The following NFKBIA variants were observed in gnomAD, a reference collection of about 807,000 sequenced individuals.
The protein encoded by NFKBIA is NF-kappa-B inhibitor alpha.
Under a neutral mutation model 36.3 loss-of-function variants are expected in NFKBIA, and 10 were observed. The ratio of observed to expected loss-of-function variants is 0.28; its 90% CI spans 0.17 to 0.47. The LOEUF (loss-of-function observed/expected upper bound fraction) is 0.47, where lower values mean the gene tolerates loss of function less well. NFKBIA is among the 20% of genes least tolerant of loss of function. The pLI, the probability that NFKBIA is intolerant of heterozygous loss-of-function variation, is 0.99. For synonymous variants in NFKBIA, 205 were observed against 164.4 expected (o/e 1.25, Z -1.89); for missense variants, 355 against 399.3 (o/e 0.89, Z 0.94).
Position 35,403,302 on chromosome 14 carries a change from C to A in NFKBIA, c.395G>T (p.Gly132Val), listed in dbSNP as rs554698790. Reference protein sequence around the residue: ...NQPEIAEALLGAGCDPELRDF... With the variant: ...NQPEIAEALLVAGCDPELRDF... ...TCGGAGCTCAGGATCACAGCCAGCT[C>A]CCAGAAGTGCCTCAGCAATTTCTGG... Residue 132 changes from glycine to valine, a missense_variant, in exon 3 of 6, where the codon GGA becomes GTA. Coordinates refer to ENST00000216797, the MANE Select transcript of NFKBIA (RefSeq NM_020529.3). The A allele has an allele frequency of 6.2e-7, 1 of 1,614,036 alleles. No individual in the cohort carries two copies. Among genetic ancestry groups the A allele is most frequent in the South Asian group, 1.1e-5 (1 of 91,078 alleles).
intron 1 of NFKBIA, chr14:35,404,088 A>C (rs1186655725): frequency 4.6e-6 from 2 of 435,568 alleles, no homozygotes; most frequent in Non-Finnish European, 8.3e-6. Flanking sequence ...GCGGCCAGAA[A>C]CTCCCGCCCC....
In NFKBIA at chr14:35,403,364, C is replaced by G; in HGVS notation, c.337-4G>C. On this transcript the variant is annotated splice_polypyrimidine_tract_variant and splice_region_variant and intron_variant, in intron 2 of 5. Coordinates refer to ENST00000216797, the MANE Select transcript of NFKBIA (RefSeq NM_020529.3). Reference sequence around the variant, plus strand: ...TCACAGCCAAGTGGAGTGGAGTCTACGAATGCAAGAGAGACCAGAGAAAGT... The same window carrying G: ...TCACAGCCAAGTGGAGTGGAGTCTAGGAATGCAAGAGAGACCAGAGAAAGT... 6.2e-7 allele frequency: 1 copy of G among 1,613,832 alleles called. No homozygotes were observed. The highest frequency in any genetic ancestry group is 8.5e-7 in the Non-Finnish European group (1 of 1,179,950).
intron 1 of NFKBIA, 68 bp from the exon 2 acceptor site, chr14:35,403,866 G>A: frequency 1.7e-6 from 2 of 1,190,422 alleles, no homozygotes; most frequent in Non-Finnish European, 1.2e-6. Flanking sequence ...GGAGGCGCGG[G>A]CTGCGGGGGA....
intron 3 of NFKBIA, 135 bp from the exon 4 acceptor site, chr14:35,402,994 A>C: frequency 8.1e-7 from 1 of 1,232,068 alleles, no homozygotes; most frequent in African/African-American, 1.5e-5. Flanking sequence ...GAACTTTATA[A>C]AGGCATCCAA....
In NFKBIA at chr14:35,402,074, G is replaced by A. The variant is rs770969022; in HGVS notation, c.907-14C>T. The A allele has an allele frequency of 1.2e-6, 2 of 1,614,062 alleles. No homozygotes were observed. Among genetic ancestry groups the A allele is most frequent in the Middle Eastern group, 1.7e-4 (1 of 6,058 alleles). On this transcript the variant is annotated splice_polypyrimidine_tract_variant and intron_variant, in intron 5 of 5. Coordinates refer to ENST00000216797, the MANE Select transcript of NFKBIA (RefSeq NM_020529.3). Reference sequence around the variant, plus strand: ...ATCATAGGGCAGCTGAAAACAAGGGGAAAAAAGACACGTTAAGCTTCCGGA... The same window carrying A: ...ATCATAGGGCAGCTGAAAACAAGGGAAAAAAAGACACGTTAAGCTTCCGGA...
chr14:35,403,598 G>C (rs1317548003), intron 2 of NFKBIA, 92 bp downstream of exon 2: 3 of 937,830 alleles, frequency 3.2e-6, no homozygotes, highest in Non-Finnish European at 5.2e-6. Context: ...ATAGTGCTCA[G>C]TGGCCCTGAA....
chr14:35,402,753 G>T lies in NFKBIA; in HGVS notation c.636+18C>A. On this transcript the variant is annotated intron_variant, in intron 4 of 5. Transcript: ENST00000216797. ...ACGAGGAGCCTGACTCAGTGCGTCG[G>T]GGGCAGGAAGCACCAACCTGAGCAT... The T allele has an allele frequency of 1.2e-6, 2 of 1,613,976 alleles. No homozygotes were observed. The highest frequency in any genetic ancestry group is 1.7e-6 in the Non-Finnish European group (2 of 1,179,866).
At chr14:35,403,988 C>G in intron 1 of NFKBIA, 190 bp from the exon 2 acceptor site, 2 of 607,312 alleles carry the variant, frequency 3.3e-6, no homozygotes, top group South Asian at 3.6e-5. Flanking sequence ...CCTCCCCCCG[C>G]GGCCCCGGCG....
In NFKBIA at chr14:35,402,197, TGA is replaced by T. The variant is rs987886238; in HGVS notation, c.907-139_907-138del. 19 of 1,264,694 alleles carry T rather than the reference TGA, an allele frequency of 1.5e-5. No individual in the cohort carries two copies. In the African/African-American group the frequency reaches 1.8e-4, roughly 12 times the overall value. 78.3% of individuals were successfully genotyped at this position (1,264,694 alleles called of 1,614,324 possible). A position where few individuals can be genotyped will look rare whatever the true frequency, so the allele number is the denominator to read the frequency against. ...CCCAAATATAATGAACTTTACAGGC[TGA>T]GAGAGTTTGCCTTTAATGCTTCTCT... is the stretch of plus-strand genomic sequence containing the variant. On this transcript the variant is annotated intron_variant, in intron 5 of 5. Transcript: ENST00000216797.
Position 35,403,674 on chromosome 14 carries a change from C to G in NFKBIA, c.336+16G>C, listed in dbSNP as rs2233414. The G allele has an allele frequency of 4.1e-5, 66 of 1,592,560 alleles. No homozygotes were observed. In the African/African-American group the frequency reaches 8.7e-4, roughly 21 times the overall value. ...TCCCAGGGTCAGAGAGAACCCGGGC[C>G]AGGCAAGCGGCGCACCTGCTGCAGG... On this transcript the variant is annotated intron_variant, in intron 2 of 5. Coordinates refer to ENST00000216797, the MANE Select transcript of NFKBIA (RefSeq NM_020529.3).
rs191372109 is a variant in NFKBIA at position 35,401,959 on chromosome 14, A to G, written c.*54T>C. Reference sequence around the variant, plus strand: ...TCTTTTTTCTTTTTTTAGAAAAATAAAACTTTTTTTTTGTACAAATATACA... The same window carrying G: ...TCTTTTTTCTTTTTTTAGAAAAATAGAACTTTTTTTTTGTACAAATATACA... On this transcript the variant is annotated 3_prime_UTR_variant, in exon 6 of 6. Coordinates refer to ENST00000216797, the MANE Select transcript of NFKBIA (RefSeq NM_020529.3). 6.2e-7 allele frequency: 1 copy of G among 1,600,212 alleles called. No homozygotes were observed. The highest frequency in any genetic ancestry group is 2.2e-5 in the East Asian group (1 of 44,818).
In NFKBIA at chr14:35,404,741, G is replaced by GCGGC; in HGVS notation, c.-98_-97insGCCG. The stretch of plus-strand genomic sequence containing the variant: ...CGCTGGCGGGCGGGACGGCGGCACG[G>GCGGC]ACTGCTGTGGGCTCTGCAGCGCCGC... On this transcript the variant is annotated 5_prime_UTR_variant, in exon 1 of 6. Coordinates refer to ENST00000216797, the MANE Select transcript of NFKBIA (RefSeq NM_020529.3). 1.2e-6 allele frequency: 1 copy of GCGGC among 833,428 alleles called. No individual in the cohort carries two copies. Among genetic ancestry groups the GCGGC allele is most frequent in the Non-Finnish European group, 1.7e-6 (1 of 604,856 alleles). The allele number at this position is 833,428 out of a possible 1,614,324, so 51.6% of individuals were successfully genotyped here. A position where few individuals can be genotyped will look rare whatever the true frequency, so the allele number is the denominator to read the frequency against.
chr14:35,403,399 A>C (rs774865414), intron 2 of NFKBIA, 39 bp from the exon 3 acceptor site: 4 of 1,604,850 alleles, frequency 2.5e-6, no homozygotes, highest in Non-Finnish European at 3.4e-6. Flanking sequence ...TAAGCCATGG[A>C]CCAAACCCAC....
chr14:35,404,313 A>G, intron 1 of NFKBIA, 105 bp downstream of exon 1: 1 of 804,488 alleles, frequency 1.2e-6, no homozygotes, highest in Non-Finnish European at 1.7e-6. Context: ...GCCCGGCTGC[A>G]TCGCTGGTCC....
At chr14:35,403,644 C>G in intron 2 of NFKBIA, 46 bp downstream of exon 2, 1 of 1,389,342 alleles carries the variant, frequency 7.2e-7, no homozygotes, top group East Asian at 2.3e-5. Context: ...GCTACATCAG[C>G]TACGTCCCAG....
chr14:35,402,001 G>A lies in NFKBIA; in HGVS notation c.*12C>T. 9 of 1,613,224 alleles carry A rather than the reference G, an allele frequency of 5.6e-6. No individual in the cohort carries two copies. The highest frequency in any genetic ancestry group is 7.6e-6 in the Non-Finnish European group (9 of 1,179,490). On this transcript the variant is annotated 3_prime_UTR_variant, in exon 6 of 6. Coordinates refer to ENST00000216797, the MANE Select transcript of NFKBIA (RefSeq NM_020529.3). ...AAATATACAAGTCCATGTTCTTTCA[G>A]CCCCTTTGCGCTCATAACGTCAGAC...
intron 5 of NFKBIA, 89 bp downstream of exon 5, chr14:35,402,305 C>T: frequency 6.7e-7 from 1 of 1,487,870 alleles, no homozygotes. Context: ...TGTAGATACC[C>T]CTCTGATAAG....
chr14:35,403,927 G>A, intron 1 of NFKBIA, 129 bp from the exon 2 acceptor site: 2 of 728,520 alleles, frequency 2.7e-6, no homozygotes, highest in South Asian at 1.5e-5. Flanking sequence ...TTTTCCGCGA[G>A]GTTATTATGA....
rs755146648 is a variant in NFKBIA at position 35,404,437 on chromosome 14, G to C, written c.208C>G (p.Leu70Val). ...ACTTACGAGTCCCCGTCCTCGGTGA[G>C]CTGCTGCTTCCAGGGCTCCGAGCCG... The part of the protein sequence containing the change: ...PRGSEPWKQQ[L>V]TEDGDSFLHL... Residue 70 changes from leucine (L) to valine (V), a missense_variant, in exon 1 of 6, where the codon CTC becomes GTC. By Grantham distance (32) the Leu-to-Val change is conservative. Transcript: ENST00000216797. 1.9e-6 allele frequency: 3 copies of C among 1,587,530 alleles called. No individual in the cohort carries two copies. The highest frequency in any genetic ancestry group is 1.7e-6 in the Non-Finnish European group (2 of 1,168,426).
Sources: gnomAD v4.1 joint callset for allele counts on GRCh38, gnomAD v4.1.1 for gene constraint, MANE v1.5 for transcripts, NCBI Gene and HGNC (gene_info 2026-07-23, HGNC 2026-07-21) for gene names.